MBTPS1: variants seen among roughly 807,000 people sequenced by gnomAD.
MBTPS1 encodes the protein membrane bound transcription factor peptidase, site 1.
A neutral mutation model predicts 127.8 loss-of-function variants in MBTPS1; 94 were observed. The observed-to-expected ratio is 0.74, with a 90% CI of 0.62 to 0.87. The LOEUF is 0.87. Ranked by LOEUF, MBTPS1 falls within the 40% of genes least tolerant of loss-of-function variation. The pLI, the probability that MBTPS1 is intolerant of heterozygous loss-of-function variation, is 0.00. For synonymous variants in MBTPS1, 632 were observed against 509.4 expected, an observed-to-expected ratio of 1.24 and a Z score of -3.24; for missense variants, 1,636 against 1,353.2, an observed-to-expected ratio of 1.21 and a Z score of -3.28.
intron 1 of MBTPS1, among the ~76,000 whole-genome samples, chr16:84,107,311 C>A (rs1173965801): frequency 6.6e-6 from 1 of 152,192 alleles, no homozygotes; most frequent in East Asian, 1.9e-4. Flanking sequence ...CAACTCCAGC[C>A]CACCTGCTCT....
intron 1 of MBTPS1, among the ~76,000 whole-genome samples, chr16:84,116,324 C>A (rs550710253): frequency 6.6e-6 from 1 of 152,160 alleles, no homozygotes; most frequent in Admixed American, 6.5e-5. Context: ...ACAGAATCCC[C>A]GCATTTCCAA....
intron 11 of MBTPS1, among the ~76,000 whole-genome samples, chr16:84,080,907 G>A (rs372598076): frequency 6.6e-6 from 1 of 152,134 alleles, no homozygotes; most frequent in African/African-American, 2.4e-5. Flanking sequence ...CAGACTGACA[G>A]ACCACATTAA....
intron 19 of MBTPS1, among the ~76,000 whole-genome samples, chr16:84,061,988 G>C (rs758498095): frequency 1.3e-5 from 2 of 152,122 alleles, no homozygotes; most frequent in African/African-American, 2.4e-5. Flanking sequence ...GTAAGGCCTA[G>C]GACCACCCTC....
intron 9 of MBTPS1, among the ~76,000 whole-genome samples, chr16:84,085,600 AC>A (rs1180001382): frequency 2.0e-5 from 3 of 146,434 alleles, no homozygotes; most frequent in Non-Finnish European, 4.5e-5. Context: ...AGAGAAAAAA[AC>A]AAAGAAATTC....
Position 84,098,067 on chromosome 16 carries a change from C to G in MBTPS1, c.421+986G>C, listed in dbSNP as rs369002389. Among the ~76,000 whole-genome samples, 141 of 152,192 alleles carry G rather than the reference C, an allele frequency of 9.3e-4. 4 individuals are homozygous for G. The South Asian group carries it at 0.027, about 29-fold the overall frequency. On this transcript the variant is annotated intron_variant, in intron 3 of 22. Transcript: ENST00000343411. Reference sequence around the variant, plus strand: ...ACCCTTTTCCTTTGGTAACACATATCTTTGGAAAATATCATTTAATAAATA... The same window carrying G: ...ACCCTTTTCCTTTGGTAACACATATGTTTGGAAAATATCATTTAATAAATA...
At chr16:84,056,218 C>G (rs1019619703) in intron 21 of MBTPS1, 83 bp from the exon 22 acceptor site, 44 of 1,137,822 alleles carry the variant, frequency 3.9e-5, no homozygotes, top group Non-Finnish European at 4.7e-5. Flanking sequence ...AACTGAAACT[C>G]AAGACAGAGC....
In MBTPS1 at chr16:84,066,360, G is replaced by GT. The variant is rs2085682934; in HGVS notation, c.2353+128dup. The GT allele has an allele frequency of 2.1e-6, 2 of 933,594 alleles. 1 individual carries two copies. The highest frequency in any genetic ancestry group is 4.2e-5 in the South Asian group (2 of 47,872). 57.8% of individuals were successfully genotyped at this position (933,594 alleles called of 1,614,324 possible). A position where few individuals can be genotyped will look rare whatever the true frequency, so the allele number is the denominator to read the frequency against. On this transcript the variant is annotated intron_variant, in intron 17 of 22. Coordinates refer to ENST00000343411, the MANE Select transcript of MBTPS1 (RefSeq NM_003791.4). ...CACAGATGTACTTTTGAAAATACTGGTGAGTTCTTTCCACAGACTCCAGCT... is the reference window on the plus strand; with the variant it reads ...CACAGATGTACTTTTGAAAATACTGGTTGAGTTCTTTCCACAGACTCCAGCT...
chr16:84,080,446 A>C (rs977654499), intron 11 of MBTPS1, among the ~76,000 whole-genome samples: 1 of 152,246 alleles, frequency 6.6e-6, no homozygotes, highest in Non-Finnish European at 1.5e-5. Context: ...AGAAGTCACA[A>C]AGGAAACACG....
chr16:84,061,184 G>A, intron 19 of MBTPS1: 1 of 167,712 alleles, frequency 6.0e-6, no homozygotes, highest in Non-Finnish European at 1.3e-5. Context: ...AAAAGTGGGG[G>A]AAATGGGAGT....
At chr16:84,072,423 C>A (rs1380965620) in intron 12 of MBTPS1, among the ~76,000 whole-genome samples, 1 of 152,126 alleles carries the variant, frequency 6.6e-6, no homozygotes, top group African/African-American at 2.4e-5. Flanking sequence ...AACTGTGCGA[C>A]CTAAAAGGGT....
Position 84,091,858 on chromosome 16 carries a change from T to C in MBTPS1, c.847-10A>G. ...AAGATGTGTAAGATACCTAGTTAAA[T>C]ATTATAACAGTCTGCTTAGTGTTTC... On this transcript the variant is annotated splice_polypyrimidine_tract_variant and intron_variant, in intron 6 of 22. Transcript: ENST00000343411. 2.1e-6 allele frequency: 3 copies of C among 1,423,498 alleles called. No homozygotes were observed. Among genetic ancestry groups the C allele is most frequent in the Non-Finnish European group, 3.0e-6 (3 of 1,005,762 alleles). The allele number at this position is 1,423,498 out of a possible 1,614,324, so 88.2% of individuals were successfully genotyped here. A position where few individuals can be genotyped will look rare whatever the true frequency, so the allele number is the denominator to read the frequency against.
chr16:84,066,450 T>C, intron 17 of MBTPS1, 39 bp downstream of exon 17: 4 of 1,606,112 alleles, frequency 2.5e-6, no homozygotes, highest in African/African-American at 1.3e-5. Flanking sequence ...GCTTCTGCTC[T>C]CACACCTAAG....
At chr16:84,090,742 G>A in intron 8 of MBTPS1, 133 bp downstream of exon 8, 1 of 684,572 alleles carries the variant, frequency 1.5e-6, no homozygotes, top group South Asian at 1.9e-5. Flanking sequence ...TTTTACATGA[G>A]GAAAACATCC....
chr16:84,099,343 T>A (rs1357978403), intron 2 of MBTPS1, 33 bp from the exon 3 acceptor site: 1 of 1,605,008 alleles, frequency 6.2e-7, no homozygotes, highest in South Asian at 1.1e-5. Context: ...AAAATAAGAT[T>A]TACGCACATA....
At chr16:84,087,519 A>C in intron 8 of MBTPS1, 59 bp from the exon 9 acceptor site, 3 of 1,121,532 alleles carry the variant, frequency 2.7e-6, no homozygotes, top group Non-Finnish European at 3.9e-6. Context: ...AAGAGAAATA[A>C]TTTAAAATGG....
At chr16:84,054,966 G>A (rs1315478436) in intron 22 of MBTPS1, among the ~76,000 whole-genome samples, 4 of 152,148 alleles carry the variant, frequency 2.6e-5, no homozygotes, top group East Asian at 1.9e-4. Flanking sequence ...GCCCAGAGGC[G>A]CTCTGTGTTT....
At chr16:84,103,352 G>C (rs2086283380) in intron 1 of MBTPS1, among the ~76,000 whole-genome samples, 1 of 151,104 alleles carries the variant, frequency 6.6e-6, no homozygotes. Flanking sequence ...TCAACTTCCT[G>C]GGCTCAAGCA....
In MBTPS1 at chr16:84,093,813, C is replaced by T. The variant is rs192912251; in HGVS notation, c.634G>A (p.Val212Ile). 1.4e-4 allele frequency: 224 copies of T among 1,602,592 alleles called. 1 individual carries two copies. The Admixed American group carries it at 3.0e-3, about 21-fold the overall frequency. ...LWQMGYTGAN[V>I]RVAVFDTGLS... ...CCAGTGTCAAAAACAGCAACTCTTACATTAGCACCTTATTCGGAAAAGAAA... is the reference window on the plus strand; with the variant it reads ...CCAGTGTCAAAAACAGCAACTCTTATATTAGCACCTTATTCGGAAAAGAAA... The change falls in exon 5 of 23, where the codon GTA becomes ATA. Residue 212 changes from valine (V) to isoleucine (I), a missense_variant. Physicochemically the swap from Val to Ile is conservative, Grantham distance 29 (BLOSUM62 3). Coordinates refer to ENST00000343411, the MANE Select transcript of MBTPS1 (RefSeq NM_003791.4).
At chr16:84,099,564 TTACGAGGTGAGGAGTTTGA>T (rs1481321796) in intron 2 of MBTPS1, among the ~76,000 whole-genome samples, 1 of 152,010 alleles carries the variant, frequency 6.6e-6, no homozygotes, top group East Asian at 1.9e-4. Flanking sequence ...CGTGGGCAGA[TTACGAGGTGAGGAGTTTGA>T]GACCAGCCTG....
Sources: gnomAD v4.1 joint callset for allele counts (sites outside exome capture counted in the v4.1 genomes callset) on GRCh38, gnomAD v4.1.1 for gene constraint, MANE v1.5 for transcripts, NCBI Gene and HGNC (gene_info 2026-07-23, HGNC 2026-07-21) for gene names.